The following MBD5 variants were observed in gnomAD, a reference collection of about 807,000 sequenced individuals.
MBD5 encodes the protein methyl-CpG binding domain protein 5, also known as methyl-CpG-binding domain protein 5.
MBD5 carries 13 observed loss-of-function variants against 117.3 expected under a neutral mutation model. The observed-to-expected ratio is 0.11, with a 90% CI of 0.07 to 0.18. The LOEUF is 0.18. MBD5 is among the 10% of genes least tolerant of loss of function. MBD5 has a pLI of 1.00. For missense variants in MBD5, 1,879 were observed against 2,093.8 expected (o/e 0.90, Z 2.00); for synonymous variants, 727 against 766.4 (o/e 0.95, Z 0.85).
Position 148,468,817 on chromosome 2 carries a change from G to A in MBD5, c.874G>A (p.Ala292Thr). ...TCCTGTACAGTCATCCTGTGCAATG[G>A]CTGGAAGGACTAATATACCTCTTTC... ...GSPVQSSCAM[A>T]GRTNIPLSPT... The change falls in exon 8 of 14, where the codon GCT becomes ACT. Residue 292 changes from alanine to threonine, a missense_variant. By Grantham distance (58) the Ala-to-Thr change is moderately conservative (BLOSUM62 0). This residue lies in a region of MBD5 where 1,666 missense variants were observed against 1,792.2 expected (regional missense o/e 0.93). Coordinates refer to ENST00000642680, the MANE Select transcript of MBD5 (RefSeq NM_001378120.1). 6.2e-7 allele frequency: 1 copy of A among 1,613,794 alleles called. No individual in the cohort carries two copies. The highest frequency in any genetic ancestry group is 8.5e-7 in the Non-Finnish European group (1 of 1,179,852).
chr2:148,075,636 CTT>C (rs1249441299), intron 1 of MBD5, among the ~76,000 whole-genome samples: 5 of 140,074 alleles, frequency 3.6e-5, no homozygotes, highest in Admixed American at 7.1e-5. Context: ...TCTTGTGGGT[CTT>C]TTTTTTTTTT....
chr2:148,437,868 T>A (rs11893037), intron 4 of MBD5, among the ~76,000 whole-genome samples: 2 of 152,250 alleles, frequency 1.3e-5, no homozygotes, highest in African/African-American at 4.8e-5. Flanking sequence ...AGTCTTTTGA[T>A]GAGATTAATC....
intron 3 of MBD5, among the ~76,000 whole-genome samples, chr2:148,294,506 T>TTTTTTTTTTTTTTTTTTTTTTTGTTTTG (rs1701595498): frequency 3.1e-5 from 4 of 130,684 alleles, no homozygotes; most frequent in African/African-American, 1.2e-4. Flanking sequence ...TTACAGTTTT[T>TTTTTTTTTTTTTTTTTTTTTTTGTTTTG]TTTTTTTTTT....
intron 3 of MBD5, among the ~76,000 whole-genome samples, chr2:148,265,875 A>G (rs1039097925): frequency 2.6e-5 from 4 of 152,078 alleles, no homozygotes; most frequent in Non-Finnish European, 5.9e-5. Flanking sequence ...TGGAGTTTAC[A>G]TTCTAGGGAG....
In MBD5 at chr2:148,516,545, C is replaced by G. The variant is rs976163153; in HGVS notation, c.*3604C>G. On this transcript the variant is annotated 3_prime_UTR_variant, in exon 14 of 14. Transcript: ENST00000642680. ...AGTTCATCTTTTTCTTTCATTCACT[C>G]TATCACATTTGCATTAGCCAAAGAG... 2.0e-5 allele frequency: 3 copies of G among 152,184 alleles called. No individual in the cohort carries two copies. The highest frequency in any genetic ancestry group is 4.4e-5 in the Non-Finnish European group (3 of 68,032). 9.4% of individuals were successfully genotyped at this position (152,184 alleles called of 1,614,324 possible).
At chr2:148,288,572 C>T (rs1230979941) in intron 3 of MBD5, among the ~76,000 whole-genome samples, 1 of 151,548 alleles carries the variant, frequency 6.6e-6, no homozygotes, top group East Asian at 1.9e-4. Flanking sequence ...TAACCTAGCA[C>T]CAATTGATTC....
At chr2:148,051,851 A>G (rs897699774) in intron 1 of MBD5, among the ~76,000 whole-genome samples, 2 of 151,858 alleles carry the variant, frequency 1.3e-5, no homozygotes, top group African/African-American at 4.8e-5. Context: ...TTGTGTCAAG[A>G]TATGCTGGTC....
intron 4 of MBD5, among the ~76,000 whole-genome samples, chr2:148,444,016 A>G (rs1015183828): frequency 1.3e-5 from 2 of 151,390 alleles, no homozygotes; most frequent in African/African-American, 4.9e-5. Flanking sequence ...TCATACATAT[A>G]TATACCTACT....
intron 2 of MBD5, among the ~76,000 whole-genome samples, chr2:148,206,815 A>G (rs1296509446): frequency 6.6e-6 from 1 of 152,252 alleles, no homozygotes; most frequent in Non-Finnish European, 1.5e-5. Flanking sequence ...TGAGGTGAAC[A>G]CAGTCTCATT....
In MBD5 at chr2:148,489,533, G is replaced by T. The variant is rs748975545; in HGVS notation, c.3901G>T (p.Gly1301Cys). 6.2e-7 allele frequency: 1 copy of T among 1,614,034 alleles called. No homozygotes were observed. The highest frequency in any genetic ancestry group is 1.1e-5 in the South Asian group (1 of 91,080). The change falls in exon 11 of 14, where the codon GGT becomes TGT. Residue 1301 changes from glycine to cysteine, a missense_variant. Coordinates refer to ENST00000642680, the MANE Select transcript of MBD5 (RefSeq NM_001378120.1). Reference sequence around the variant, plus strand: ...GCAACCGAGGATTGACCCATCTCTTGGTCAACAGGTGAAGGATGGCCTCGT... The same window carrying T: ...GCAACCGAGGATTGACCCATCTCTTTGTCAACAGGTGAAGGATGGCCTCGT... ...ELQPRIDPSLGQQVKDGLVVG... is the reference protein window; with the variant it reads ...ELQPRIDPSLCQQVKDGLVVG...
intron 1 of MBD5, among the ~76,000 whole-genome samples, chr2:148,034,013 G>A (rs926685460): frequency 2.0e-5 from 3 of 152,096 alleles, no homozygotes; most frequent in African/African-American, 7.2e-5. Context: ...TGGGCACCAT[G>A]GTGAAACCTC....
At chr2:148,431,349 A>G (rs1705977977) in intron 4 of MBD5, among the ~76,000 whole-genome samples, 1 of 152,166 alleles carries the variant, frequency 6.6e-6, no homozygotes, top group Non-Finnish European at 1.5e-5. Context: ...CATATTGGAA[A>G]TCATACAACC....
At chr2:148,023,498 T>C (rs1475022450) in intron 1 of MBD5, among the ~76,000 whole-genome samples, 1 of 152,168 alleles carries the variant, frequency 6.6e-6, no homozygotes, top group Non-Finnish European at 1.5e-5. Flanking sequence ...TACCTTTCTC[T>C]GAGATGTAAT....
At chr2:148,223,640 CCT>C (rs146572916) in intron 2 of MBD5, among the ~76,000 whole-genome samples, 36,870 of 151,790 alleles carry the variant, frequency 0.24, 4,656 homozygotes, top group Admixed American at 0.3. Context: ...TTATTTGGAT[CCT>C]CTCTCTTTTT....
chr2:148,204,523 A>G (rs1384905572), intron 2 of MBD5, among the ~76,000 whole-genome samples: 1 of 152,218 alleles, frequency 6.6e-6, no homozygotes, highest in Non-Finnish European at 1.5e-5. Context: ...TAGAACTGTC[A>G]ATACTGAGAC....
chr2:148,148,307 G>A (rs1697524306), intron 1 of MBD5, among the ~76,000 whole-genome samples: 1 of 152,168 alleles, frequency 6.6e-6, no homozygotes, highest in Non-Finnish European at 1.5e-5. Context: ...CTTAGTGACT[G>A]CTCAGCTGCT....
At chr2:148,411,512 C>CTTTTTTTT (rs1188326755) in intron 4 of MBD5, among the ~76,000 whole-genome samples, 93 of 97,422 alleles carry the variant, frequency 9.5e-4, no homozygotes, top group Non-Finnish European at 1.2e-3. Flanking sequence ...AGCATCTGTT[C>CTTTTTTTT]TTTTTTTTTT....
chr2:148,214,409 AAAC>A (rs1449384877), intron 2 of MBD5, among the ~76,000 whole-genome samples: 17 of 152,346 alleles, frequency 1.1e-4, no homozygotes, highest in Non-Finnish European at 5.9e-5. Context: ...AAAAATGTAA[AAAC>A]AATTCACACA....
chr2:148,062,001 T>G (rs2104996364), intron 1 of MBD5, among the ~76,000 whole-genome samples: 1 of 151,914 alleles, frequency 6.6e-6, no homozygotes, highest in African/African-American at 2.4e-5. Context: ...GAGGGCTTAC[T>G]TTTTTATTCA....
Sources: gnomAD v4.1 joint callset for allele counts (sites outside exome capture counted in the v4.1 genomes callset) on GRCh38, gnomAD v4.1.1 for gene constraint, gnomAD v4.1.1 regional missense constraint, MANE v1.5 for transcripts, NCBI Gene and HGNC (gene_info 2026-07-23, HGNC 2026-07-21) for gene names.